The following SHTN1 variants were observed in gnomAD, a reference collection of about 807,000 sequenced individuals.
The protein encoded by SHTN1 is shootin-1.
In SHTN1, 42 loss-of-function variants were observed where a neutral mutation model predicts 83.1. The ratio of observed to expected loss-of-function variants is 0.51; its 90% CI spans 0.39 to 0.65. The LOEUF (loss-of-function observed/expected upper bound fraction) is 0.65. Among genes scored for constraint, SHTN1 ranks in the 30% least tolerant of loss-of-function variants. SHTN1 has a pLI of 0.00. For synonymous variants in SHTN1, 224 were observed against 247.7 expected (o/e 0.90, Z 0.90); for missense variants, 622 against 737.8 (o/e 0.84, Z 1.82).
In SHTN1 at chr10:116,886,119, C is replaced by A; in HGVS notation, c.*225G>T. 1.7e-6 allele frequency: 1 copy of A among 578,912 alleles called. No homozygotes were observed. The highest frequency in any genetic ancestry group is 2.9e-6 in the Non-Finnish European group (1 of 342,408). 35.9% of individuals were successfully genotyped at this position (578,912 alleles called of 1,614,324 possible). A position where few individuals can be genotyped will look rare whatever the true frequency, so the allele number is the denominator to read the frequency against. On this transcript the variant is annotated 3_prime_UTR_variant, in exon 17 of 17. Transcript: ENST00000355371. ...AATACAGTAACTAGGAAAAAAACCTCATCTTTATAAAGATCAAAAAACCAA... is the reference window on the plus strand; with the variant it reads ...AATACAGTAACTAGGAAAAAAACCTAATCTTTATAAAGATCAAAAAACCAA...
chr10:116,979,367 C>T, intron 1 of SHTN1, 59 bp from the exon 2 acceptor site: 3 of 1,409,432 alleles, frequency 2.1e-6, no homozygotes, highest in Middle Eastern at 3.5e-4. Flanking sequence ...GCAGGGCAAC[C>T]TGGGGAATCC....
chr10:117,010,743 G>C (rs1852091501), intron 2 of SHTN1, among the ~76,000 whole-genome samples: 1 of 152,312 alleles, frequency 6.6e-6, no homozygotes, highest in Middle Eastern at 3.4e-3. Context: ...CGACCAGGTA[G>C]TACTTATTCC....
At chr10:117,043,577 A>C (rs562091431) in intron 2 of SHTN1, among the ~76,000 whole-genome samples, 91 of 152,360 alleles carry the variant, frequency 6.0e-4, no homozygotes, top group African/African-American at 1.8e-3. Context: ...ATGGTGGCTC[A>C]TGCCTGTAAT....
intron 1 of SHTN1, among the ~76,000 whole-genome samples, chr10:117,112,670 T>C (rs1853785262): frequency 6.6e-6 from 1 of 152,150 alleles, no homozygotes; most frequent in South Asian, 2.1e-4. Context: ...TAGAACCCAG[T>C]TTTCCTGCGT....
intron 1 of SHTN1, among the ~76,000 whole-genome samples, chr10:117,058,536 T>C (rs1852857155): frequency 6.6e-6 from 1 of 152,100 alleles, no homozygotes; most frequent in South Asian, 2.1e-4. Flanking sequence ...TAATACATGC[T>C]GGTGGGGATA....
intron 1 of SHTN1, among the ~76,000 whole-genome samples, chr10:117,124,753 G>C: frequency 6.6e-6 from 1 of 152,214 alleles, no homozygotes; most frequent in East Asian, 1.9e-4. Flanking sequence ...CAGCCTGGGC[G>C]ATGCAGTGAG....
intron 1 of SHTN1, among the ~76,000 whole-genome samples, chr10:117,061,135 C>CT (rs5788206): frequency 1.0e-3 from 130 of 127,206 alleles, no homozygotes; most frequent in African/African-American, 2.6e-3. Flanking sequence ...AAGCTTTAGT[C>CT]TTTTTTTTTT....
At position 116,943,448 on chromosome 10, in the gene SHTN1, A is replaced by T. The variant is rs1296652256; in HGVS notation, c.711+1476T>A. 2.0e-5 allele frequency among the ~76,000 whole-genome samples: 3 copies of T among 152,270 alleles called. No individual in the cohort carries two copies. In the East Asian group the frequency reaches 5.8e-4, roughly 29 times the overall value. Reference sequence around the variant, plus strand: ...AGTTTTGCAATAAAGGCATCTTCACATTATCCCTGCTTCCCCTCCCCCTCC... The same window carrying T: ...AGTTTTGCAATAAAGGCATCTTCACTTTATCCCTGCTTCCCCTCCCCCTCC... On this transcript the variant is annotated intron_variant, in intron 8 of 16. Transcript: ENST00000355371.
intron 1 of SHTN1, among the ~76,000 whole-genome samples, chr10:117,118,363 C>CAAAA (rs57432703): frequency 8.4e-6 from 1 of 118,456 alleles, no homozygotes; most frequent in African/African-American, 3.3e-5. Context: ...TAATCCATTT[C>CAAAA]AAAAAAAAAA....
At chr10:117,030,747 T>C (rs781437997) in intron 2 of SHTN1, among the ~76,000 whole-genome samples, 3 of 151,860 alleles carry the variant, frequency 2.0e-5, no homozygotes, top group Admixed American at 6.6e-5. Context: ...AGTAGCAGAA[T>C]TGATCAAGCA....
chr10:116,933,755 A>C (rs931514261), intron 9 of SHTN1, among the ~76,000 whole-genome samples: 2 of 152,192 alleles, frequency 1.3e-5, no homozygotes, highest in Admixed American at 6.5e-5. Context: ...TGTCTTCCAC[A>C]ATGGTTGAAC....
At chr10:117,097,064 A>C (rs1479352761) in intron 1 of SHTN1, among the ~76,000 whole-genome samples, 5 of 110,526 alleles carry the variant, frequency 4.5e-5, no homozygotes, top group South Asian at 3.1e-4. Context: ...CACACACACA[A>C]AGGAAAAAGG....
At chr10:116,956,824 A>T (rs1849995802) in intron 4 of SHTN1, among the ~76,000 whole-genome samples, 1 of 152,216 alleles carries the variant, frequency 6.6e-6, no homozygotes, top group Non-Finnish European at 1.5e-5. Context: ...TCAAGAAAAA[A>T]AAGCCAATCA....
In SHTN1 at chr10:116,886,591, A is replaced by G. The variant is rs767108544; in HGVS notation, c.1674-25T>C. On this transcript the variant is annotated intron_variant, in intron 16 of 16. Coordinates refer to ENST00000355371, the MANE Select transcript of SHTN1 (RefSeq NM_001127211.3). ...CCTATGAGATGAAGAGTTAGACAAA[A>G]AAAGTAAAAAGCAGAGAGAGAAAAT... is the stretch of plus-strand genomic sequence containing the variant. 2.2e-5 allele frequency: 36 copies of G among 1,610,388 alleles called. No individual in the cohort carries two copies. In the Admixed American group the frequency reaches 5.9e-4, roughly 26 times the overall value.
intron 1 of SHTN1, among the ~76,000 whole-genome samples, chr10:117,111,728 G>A (rs191297597): frequency 2.6e-5 from 4 of 152,008 alleles, no homozygotes; most frequent in Non-Finnish European, 5.9e-5. Context: ...TTATCCTATG[G>A]CCCTACACTA....
At chr10:117,040,076 G>A (rs1190637964) in intron 2 of SHTN1, among the ~76,000 whole-genome samples, 1 of 152,156 alleles carries the variant, frequency 6.6e-6, no homozygotes, top group East Asian at 1.9e-4. Context: ...TATTCATGAT[G>A]TGGAAGACAG....
chr10:117,100,633 C>T (rs564445215), intron 1 of SHTN1, among the ~76,000 whole-genome samples: 14 of 152,288 alleles, frequency 9.2e-5, no homozygotes, highest in African/African-American at 3.4e-4. Flanking sequence ...GAACTGCACA[C>T]ACCTCAAAAG....
At chr10:117,092,136 G>A (rs995231688) in intron 1 of SHTN1, among the ~76,000 whole-genome samples, 4 of 152,194 alleles carry the variant, frequency 2.6e-5, no homozygotes, top group Non-Finnish European at 4.4e-5. Flanking sequence ...AGTACTTCCC[G>A]TACTTAGATT....
chr10:116,942,410 A>G (rs1442034645), intron 8 of SHTN1, among the ~76,000 whole-genome samples: 1 of 151,912 alleles, frequency 6.6e-6, no homozygotes, highest in Non-Finnish European at 1.5e-5. Context: ...ATGGGGTTTC[A>G]CTATGTTGGC....
Sources: allele counts gnomAD v4.1 joint callset (sites outside exome capture counted in the v4.1 genomes callset), GRCh38; gene constraint gnomAD v4.1.1; transcripts MANE v1.5; gene names NCBI Gene and HGNC (gene_info 2026-07-23, HGNC 2026-07-21).